The following PPARGC1A variants were observed in gnomAD, a reference collection of about 807,000 sequenced individuals.
PPARGC1A encodes the protein peroxisome proliferator-activated receptor gamma coactivator 1-alpha.
Under a neutral mutation model 88.7 loss-of-function variants are expected in PPARGC1A, and 25 were observed. That is an observed-to-expected ratio of 0.28 (90% CI 0.21 to 0.39). The LOEUF (loss-of-function observed/expected upper bound fraction) is 0.39, where lower values mean the gene tolerates loss of function less well. PPARGC1A is among the 10% of genes least tolerant of loss of function. The pLI is 1.00. For synonymous variants in PPARGC1A, 363 were observed against 355.6 expected, an observed-to-expected ratio of 1.02 and a Z score of -0.24; for missense variants, 880 against 968.7, an observed-to-expected ratio of 0.91 and a Z score of 1.22.
the PPARGC1A span, among the ~76,000 whole-genome samples, chr4:24,114,966 TG>T: frequency 6.6e-6 from 1 of 152,154 alleles, no homozygotes; most frequent in Non-Finnish European, 1.5e-5. Context: ...GAAACCAAAA[TG>T]TCCAGTAGCC....
the PPARGC1A span, among the ~76,000 whole-genome samples, chr4:24,168,733 G>T: frequency 2.0e-5 from 3 of 152,080 alleles, no homozygotes; most frequent in African/African-American, 7.2e-5. Context: ...GCCAAAGCCA[G>T]AACAAGAAAA....
Position 23,824,283 on chromosome 4 carries a change from CAGTTCCAG to C in PPARGC1A, c.866_873del (p.Ser289CysfsTer12). On this transcript the variant is annotated frameshift_variant, in exon 7 of 13. Transcript: ENST00000264867. LOFTEE classifies it high-confidence loss of function. ...CTAAGTGAAATATAAGGCTTACCTG[CAGTTCCAG>C]AGAGTTCCACACTTAAGGTGCGTTC... 1 of 1,612,476 alleles carries C rather than the reference CAGTTCCAG, an allele frequency of 6.2e-7. No individual in the cohort carries two copies. Among genetic ancestry groups the C allele is most frequent in the Non-Finnish European group, 8.5e-7 (1 of 1,178,764 alleles).
At chr4:24,283,489 G>T in the PPARGC1A span, among the ~76,000 whole-genome samples, 1 of 152,184 alleles carries the variant, frequency 6.6e-6, no homozygotes, top group Admixed American at 6.5e-5. Flanking sequence ...ATTTTTTTCC[G>T]GCAACTTTTA....
At chr4:24,188,990 G>C in the PPARGC1A span, among the ~76,000 whole-genome samples, 6 of 152,104 alleles carry the variant, frequency 3.9e-5, no homozygotes, top group Non-Finnish European at 5.9e-5. Flanking sequence ...GCTGACACAC[G>C]CTACAACATG....
chr4:24,449,130 C>T, the PPARGC1A span, among the ~76,000 whole-genome samples: 28,203 of 152,150 alleles, frequency 0.19, 3,379 homozygotes, highest in Non-Finnish European at 0.25. Flanking sequence ...AAGGCAGTTT[C>T]CATGTCTCAA....
chr4:23,815,166 C>T (rs1315609469), intron 7 of PPARGC1A, among the ~76,000 whole-genome samples: 2 of 150,306 alleles, frequency 1.3e-5, no homozygotes, highest in African/African-American at 4.9e-5. Flanking sequence ...AAATATGGGG[C>T]AATGGTGAGA....
the PPARGC1A span, among the ~76,000 whole-genome samples, chr4:23,923,723 C>G: frequency 2.0e-5 from 3 of 152,156 alleles, no homozygotes. Flanking sequence ...TTAACTTGAC[C>G]TCCTCAGATG....
At chr4:24,073,731 G>C in the PPARGC1A span, among the ~76,000 whole-genome samples, 1 of 152,158 alleles carries the variant, frequency 6.6e-6, no homozygotes, top group Non-Finnish European at 1.5e-5. Flanking sequence ...ACACAAAGAG[G>C]CTGAGGAAAT....
the PPARGC1A span, among the ~76,000 whole-genome samples, chr4:24,131,126 G>A: frequency 3.0e-3 from 461 of 152,202 alleles, 2 homozygotes; most frequent in African/African-American, 0.01. Context: ...GGCTCTAGGT[G>A]CCATGTCTAT....
At chr4:24,271,920 A>T in the PPARGC1A span, among the ~76,000 whole-genome samples, 1 of 152,102 alleles carries the variant, frequency 6.6e-6, no homozygotes, top group South Asian at 2.1e-4. Flanking sequence ...CATACTTGTT[A>T]TTATATTATA....
At chr4:24,008,581 C>A in the PPARGC1A span, among the ~76,000 whole-genome samples, 1,493 of 152,200 alleles carry the variant, frequency 9.8e-3, 24 homozygotes, top group African/African-American at 0.034. Flanking sequence ...CAAAGCTAAA[C>A]GCCAATACCT....
At chr4:23,980,185 CAAAAAAA>C in the PPARGC1A span, among the ~76,000 whole-genome samples, 1 of 89,514 alleles carries the variant, frequency 1.1e-5, no homozygotes, top group Non-Finnish European at 2.2e-5. Flanking sequence ...TCCCAGCCAG[CAAAAAAA>C]AAAAAAAAAA....
At chr4:24,414,017 G>A in the PPARGC1A span, among the ~76,000 whole-genome samples, 5 of 152,128 alleles carry the variant, frequency 3.3e-5, no homozygotes, top group Non-Finnish European at 7.3e-5. Context: ...TCGAACCCAC[G>A]GTTGTCGGTC....
chr4:23,867,029 G>A (rs1368652874), intron 2 of PPARGC1A, among the ~76,000 whole-genome samples: 3 of 151,922 alleles, frequency 2.0e-5, no homozygotes, highest in South Asian at 4.2e-4. Flanking sequence ...CCTCCTAAGA[G>A]GTGGGAAGTG....
chr4:24,420,787 T>C, the PPARGC1A span, among the ~76,000 whole-genome samples: 1 of 152,110 alleles, frequency 6.6e-6, no homozygotes, highest in Non-Finnish European at 1.5e-5. Context: ...CTTGGTCTGC[T>C]TGGGTTGCTA....
chr4:23,855,827 AT>A (rs1476623554), intron 2 of PPARGC1A, among the ~76,000 whole-genome samples: 1 of 152,132 alleles, frequency 6.6e-6, no homozygotes, highest in Non-Finnish European at 1.5e-5. Flanking sequence ...GGGAGAAGTG[AT>A]GTAGGAGGGG....
chr4:23,832,456 A>G (rs1407540765), intron 2 of PPARGC1A, among the ~76,000 whole-genome samples: 1 of 152,096 alleles, frequency 6.6e-6, no homozygotes, highest in African/African-American at 2.4e-5. Context: ...TTTGGGTAAC[A>G]ATTCTTCATA....
At chr4:24,108,680 C>T in the PPARGC1A span, among the ~76,000 whole-genome samples, 5 of 152,206 alleles carry the variant, frequency 3.3e-5, no homozygotes, top group South Asian at 6.2e-4. Flanking sequence ...TGTACAAGAT[C>T]TCAGCGCTGA....
chr4:24,459,626 C>A, the PPARGC1A span, among the ~76,000 whole-genome samples: 1 of 152,022 alleles, frequency 6.6e-6, no homozygotes, highest in Admixed American at 6.6e-5. Context: ...CCTGCCTCTA[C>A]AAAAAATACA....
Sources: gnomAD v4.1 joint callset for allele counts (sites outside exome capture counted in the v4.1 genomes callset) on GRCh38, gnomAD v4.1.1 for gene constraint, MANE v1.5 for transcripts, NCBI Gene and HGNC (gene_info 2026-07-23, HGNC 2026-07-21) for gene names.